Variants in PPARG observed in about 807,000 individuals in gnomAD.
The protein encoded by PPARG is peroxisome proliferator-activated receptor gamma.
PPARG carries 17 observed loss-of-function variants against 39.2 expected under a neutral mutation model. That is an observed-to-expected ratio of 0.43 (90% CI 0.30 to 0.65). The LOEUF is 0.65. PPARG is among the 30% of genes least tolerant of loss of function. The probability of loss-of-function intolerance (pLI) is 0.13; values close to 1 mark genes in which losing one functional copy is unlikely to be tolerated. For missense variants in PPARG, 406 were observed against 585.9 expected, an observed-to-expected ratio of 0.69 and a Z score of 3.17; for synonymous variants, 223 against 215.7, an observed-to-expected ratio of 1.03 and a Z score of -0.30.
chr3:12,396,619 G>A (rs951517858), intron 5 of PPARG, among the ~76,000 whole-genome samples: 4 of 151,974 alleles, frequency 2.6e-5, no homozygotes, highest in Admixed American at 6.6e-5. Context: ...TTAGTCGGGC[G>A]TGATGGCTTG....
intron 2 of PPARG, among the ~76,000 whole-genome samples, chr3:12,320,155 GTAAC>G (rs1474369866): frequency 1.3e-5 from 2 of 152,136 alleles, no homozygotes; most frequent in Admixed American, 6.5e-5. Flanking sequence ...CTAGCACGTA[GTAAC>G]TAACCTGTTT....
At chr3:12,315,763 T>C (rs1397930341) in intron 2 of PPARG, among the ~76,000 whole-genome samples, 2 of 152,210 alleles carry the variant, frequency 1.3e-5, no homozygotes, top group East Asian at 3.8e-4. Context: ...TCTAGAAACC[T>C]GTGAGTGGGA....
At chr3:12,323,487 C>T (rs1432573459) in intron 2 of PPARG, among the ~76,000 whole-genome samples, 1 of 152,212 alleles carries the variant, frequency 6.6e-6, no homozygotes, top group Admixed American at 6.5e-5. Flanking sequence ...GAAGACAACA[C>T]TTAGTACTTC....
chr3:12,329,658 G>T (rs1025918761), intron 2 of PPARG, among the ~76,000 whole-genome samples: 2 of 151,698 alleles, frequency 1.3e-5, no homozygotes, highest in African/African-American at 4.8e-5. Context: ...TAAAATTTAC[G>T]ATTTTAACCA....
At chr3:12,320,481 A>T (rs1201257990) in intron 2 of PPARG, among the ~76,000 whole-genome samples, 1 of 152,180 alleles carries the variant, frequency 6.6e-6, no homozygotes, top group Non-Finnish European at 1.5e-5. Flanking sequence ...AAGTACTTAG[A>T]TATTTCTGCA....
chr3:12,368,297 TCA>T (rs1343123837), intron 2 of PPARG, among the ~76,000 whole-genome samples: 6 of 151,128 alleles, frequency 4.0e-5, no homozygotes, highest in Non-Finnish European at 7.4e-5. Context: ...TTCTCCTGCC[TCA>T]GTCTCCCAAG....
At chr3:12,290,038 T>C (rs2046609677) in intron 1 of PPARG, among the ~76,000 whole-genome samples, 1 of 152,174 alleles carries the variant, frequency 6.6e-6, no homozygotes. Flanking sequence ...CTTGTGTACT[T>C]CACATAATTT....
chr3:12,353,449 C>T lies in PPARG; in HGVS notation c.-8-26255C>T, dbSNP rs138498637. ...ACAGACAGACTTAAAAATAAATTAG[C>T]TATATGATCATCATTAGCCGAGGCC... On this transcript the variant is annotated intron_variant, in intron 2 of 7. Coordinates refer to ENST00000651735, the MANE Select transcript of PPARG (RefSeq NM_138711.6). Among the ~76,000 whole-genome samples, 4 of 152,222 alleles carry T rather than the reference C, an allele frequency of 2.6e-5. No homozygotes were observed. The East Asian group carries it at 7.7e-4, about 29-fold the overall frequency.
intron 1 of PPARG, among the ~76,000 whole-genome samples, chr3:12,308,359 AAAAAAAAAAAAG>A (rs2047133384): frequency 6.7e-6 from 1 of 149,606 alleles, no homozygotes; most frequent in Non-Finnish European, 1.5e-5. Context: ...AAAAAAAAAA[AAAAAAAAAAAAG>A]GGAGAAACTG....
At chr3:12,426,464 T>C (rs1054818492) in intron 7 of PPARG, among the ~76,000 whole-genome samples, 5 of 152,112 alleles carry the variant, frequency 3.3e-5, no homozygotes, top group Admixed American at 2.0e-4. Flanking sequence ...AAGCTGGCCC[T>C]GCTAGCGTTC....
intron 2 of PPARG, among the ~76,000 whole-genome samples, chr3:12,316,307 G>A (rs2047386597): frequency 6.6e-6 from 1 of 152,152 alleles, no homozygotes; most frequent in Non-Finnish European, 1.5e-5. Flanking sequence ...TCTTGTGTAT[G>A]TTCAACTAAT....
intron 2 of PPARG, among the ~76,000 whole-genome samples, chr3:12,324,101 AAATCCCGTTTCCACTAAAAAT>A (rs2047623855): frequency 6.6e-6 from 1 of 152,160 alleles, no homozygotes; most frequent in Admixed American, 6.5e-5. Flanking sequence ...CAACATGGTG[AAATCCCGTTTCCACTAAAAAT>A]ACAAAAATTA....
chr3:12,416,677 T>C, intron 6 of PPARG, 27 bp from the exon 7 acceptor site: 1 of 1,600,042 alleles, frequency 6.2e-7, no homozygotes, highest in South Asian at 1.1e-5. Flanking sequence ...CTCCAAGTCA[T>C]CCACGTTTTC....
At chr3:12,364,180 T>G (rs2048941130) in intron 2 of PPARG, among the ~76,000 whole-genome samples, 1 of 152,222 alleles carries the variant, frequency 6.6e-6, no homozygotes, top group African/African-American at 2.4e-5. Context: ...ATATTTTCAC[T>G]GACCTAAAAA....
chr3:12,421,086 G>A (rs191955379), intron 7 of PPARG, among the ~76,000 whole-genome samples: 16 of 152,272 alleles, frequency 1.1e-4, no homozygotes, highest in Admixed American at 5.2e-4. Context: ...AGTGAGGGTC[G>A]TAAACTTAAG....
At chr3:12,379,606 C>G in intron 2 of PPARG, 98 bp from the exon 3 acceptor site, 1 of 1,157,538 alleles carries the variant, frequency 8.6e-7, no homozygotes, top group Admixed American at 1.8e-5. Flanking sequence ...GATGAGATTA[C>G]TTTGCCAAAG....
chr3:12,377,338 G>A (rs887038152), intron 2 of PPARG, among the ~76,000 whole-genome samples: 4 of 152,058 alleles, frequency 2.6e-5, no homozygotes, highest in Admixed American at 1.3e-4. Context: ...AATTAATGCT[G>A]GGCTAGAGTC....
chr3:12,388,133 G>T (rs2049947765), intron 4 of PPARG, among the ~76,000 whole-genome samples: 1 of 151,948 alleles, frequency 6.6e-6, no homozygotes, highest in African/African-American at 2.4e-5. Flanking sequence ...AATGAGAACA[G>T]TTCTATACAT....
chr3:12,381,182 G>C (rs893494815), intron 3 of PPARG, 140 bp from the exon 4 acceptor site: 14 of 849,844 alleles, frequency 1.6e-5, no homozygotes, highest in Admixed American at 8.8e-5. Context: ...CTTAACTCCA[G>C]TGTTTTTTCA....
Sources: gnomAD v4.1 joint callset for allele counts (sites outside exome capture counted in the v4.1 genomes callset) on GRCh38, gnomAD v4.1.1 for gene constraint, MANE v1.5 for transcripts, NCBI Gene and HGNC (gene_info 2026-07-23, HGNC 2026-07-21) for gene names.